Variants in STS observed in about 807,000 individuals in gnomAD.
STS encodes the protein steroid sulfatase.
In STS, 7 loss-of-function variants were observed where a neutral mutation model predicts 26.8. The ratio of observed to expected loss-of-function variants is 0.26; its 90% CI spans 0.15 to 0.49. The LOEUF is 0.49. STS is among the 20% of genes least tolerant of loss of function. The pLI is 0.98. For synonymous variants in STS, 199 were observed against 189.4 expected, an observed-to-expected ratio of 1.05 and a Z score of -0.42; for missense variants, 434 against 465.6, an observed-to-expected ratio of 0.93 and a Z score of 0.63.
chrX:7,156,053 G>A (rs1226340396), intron 1 of STS, among the ~76,000 whole-genome samples: 2 of 109,680 alleles, frequency 1.8e-5, no homozygotes, highest in African/African-American at 6.7e-5. Flanking sequence ...TGGGGGGACT[G>A]AGATGGGAGG....
intron 6 of STS, among the ~76,000 whole-genome samples, chrX:7,266,154 G>A (rs1923992838): frequency 1.2e-5 from 1 of 80,088 alleles, no homozygotes; most frequent in African/African-American, 5.3e-5. Flanking sequence ...TACAACTGGT[G>A]CCTTGTTTAG....
At chrX:7,291,314 G>T (rs763352275) in intron 7 of STS, among the ~76,000 whole-genome samples, 1 of 111,676 alleles carries the variant, frequency 9.0e-6, no homozygotes, top group Non-Finnish European at 1.9e-5. Flanking sequence ...CCCGTGGTTT[G>T]GGGGCAACAG....
intron 2 of STS, among the ~76,000 whole-genome samples, chrX:7,239,178 A>G (rs896072422): frequency 8.9e-6 from 1 of 111,872 alleles, no homozygotes; most frequent in Non-Finnish European, 1.9e-5. Context: ...AAGTGATTTA[A>G]ATAGGTATTT....
At chrX:7,219,763 C>A in intron 2 of STS, 2 of 1,082,750 alleles carry the variant, frequency 1.8e-6, no homozygotes. Context: ...ACAGCAGCTA[C>A]CTGCTTGTGT....
At position 7,348,645 on chromosome X, in the gene STS, CATTT is replaced by C. The variant is rs757891831; in HGVS notation, c.1364-1242_1364-1239del. ...ATGAATCAATTATTTCATAATTATT[CATTT>C]GTTTGTGAATTAGTTTTTCCTAGCA... On this transcript the variant is annotated intron_variant, in intron 10 of 10. Transcript: ENST00000674429. Among the ~76,000 whole-genome samples the C allele has an allele frequency of 3.8e-3, 424 of 111,828 alleles. 3 individuals are homozygous for C. Among genetic ancestry groups the C allele is most frequent in the African/African-American group, 0.013 (401 of 30,821 alleles).
At position 7,284,271 on chromosome X, in the gene STS, C is replaced by T. The variant is rs1215817181; in HGVS notation, c.943+8184C>T. On this transcript the variant is annotated intron_variant, in intron 7 of 10. Transcript: ENST00000674429. The stretch of plus-strand genomic sequence containing the variant: ...AATCGTTGGTTACCTGCCAACGTTT[C>T]AGGTTTTTAACAGGTTTCAGGGAGT... Among the ~76,000 whole-genome samples, 3 of 111,834 alleles carry T rather than the reference C, an allele frequency of 2.7e-5. No homozygotes were observed. The Admixed American group carries it at 2.8e-4, about 11-fold the overall frequency.
rs765898037 is a variant in STS, at chrX:7,324,686, G to C, written c.1082-653G>C. 7.9e-4 allele frequency among the ~76,000 whole-genome samples: 88 copies of C among 111,431 alleles called. 1 individual carries two copies. The highest frequency in any genetic ancestry group is 5.7e-4 in the Non-Finnish European group (30 of 53,075). ...TTCCAAAAGAAGGAGGGTAAAATGA[G>C]GCATGTCCAATCCCCTGTTTCCATC... On this transcript the variant is annotated intron_variant, in intron 8 of 10. Coordinates refer to ENST00000674429, the MANE Select transcript of STS (RefSeq NM_001320752.2).
chrX:7,322,390 TTCTC>T (rs536562385), intron 8 of STS, among the ~76,000 whole-genome samples: 1 of 110,503 alleles, frequency 9.0e-6, no homozygotes, highest in African/African-American at 3.3e-5. Flanking sequence ...TCAATGCAGA[TTCTC>T]TCTCTCTCTC....
intron 7 of STS, among the ~76,000 whole-genome samples, chrX:7,291,239 G>T (rs773860194): frequency 9.0e-6 from 1 of 111,563 alleles, no homozygotes; most frequent in Non-Finnish European, 1.9e-5. Flanking sequence ...GGAGCTAACT[G>T]TCTGTCTTAG....
chrX:7,270,102 A>AT (rs1299609497), intron 6 of STS, among the ~76,000 whole-genome samples: 1 of 112,127 alleles, frequency 8.9e-6, no homozygotes, highest in East Asian at 2.8e-4. Flanking sequence ...TGTCTTCTGT[A>AT]TTTTTAACAA....
chrX:7,220,490 A>G (rs1013947172), intron 2 of STS, among the ~76,000 whole-genome samples: 3 of 104,337 alleles, frequency 2.9e-5, no homozygotes, highest in African/African-American at 1.1e-4. Flanking sequence ...CTCGAATGCC[A>G]TTTTCCGCTC....
chrX:7,280,511 C>A (rs1924805866), intron 7 of STS, among the ~76,000 whole-genome samples: 1 of 112,091 alleles, frequency 8.9e-6, no homozygotes, highest in Admixed American at 9.4e-5. Context: ...GAAGAACAAA[C>A]GTGTAAAATC....
chrX:7,198,667 G>A (rs1248973338), intron 2 of STS, among the ~76,000 whole-genome samples: 3 of 112,408 alleles, frequency 2.7e-5, no homozygotes, highest in South Asian at 3.6e-4. Flanking sequence ...ATGAACGAGG[G>A]CAGTCTGCAG....
chrX:7,220,013 G>A (rs1476031588), intron 2 of STS, among the ~76,000 whole-genome samples: 1 of 112,113 alleles, frequency 8.9e-6, no homozygotes, highest in Non-Finnish European at 1.9e-5. Flanking sequence ...TTCCTATCAA[G>A]TTTATTGCAT....
chrX:7,315,898 A>C (rs985066614), intron 8 of STS, among the ~76,000 whole-genome samples: 1 of 111,205 alleles, frequency 9.0e-6, no homozygotes, highest in Non-Finnish European at 1.9e-5. Flanking sequence ...TTTTGGCAAC[A>C]CCTTCACAGA....
intron 9 of STS, among the ~76,000 whole-genome samples, chrX:7,333,574 C>T (rs192536140): frequency 8.9e-6 from 1 of 112,150 alleles, no homozygotes; most frequent in East Asian, 2.8e-4. Context: ...TTTCAGCAGG[C>T]CTGTATGTCA....
chrX:7,202,345 A>G (rs1428683596), intron 2 of STS, among the ~76,000 whole-genome samples: 2 of 111,194 alleles, frequency 1.8e-5, no homozygotes, highest in African/African-American at 6.5e-5. Context: ...TCAACATGGA[A>G]ACCACAAAAA....
rs1405026213 is a variant in STS at position 7,215,116 on chromosome X, T to TATAC, written c.-5+24109_-5+24110insTACA. ...ATATGTGTATATATATACACATATA[T>TATAC]ACACACACACACACACACACACATA... On this transcript the variant is annotated intron_variant, in intron 2 of 10. Transcript: ENST00000674429. Among the ~76,000 whole-genome samples, 316 of 80,805 alleles carry TATAC rather than the reference T, an allele frequency of 3.9e-3. 2 individuals are homozygous for TATAC. Among genetic ancestry groups the TATAC allele is most frequent in the African/African-American group, 0.014 (303 of 21,167 alleles). The allele number at this position is 80,805 out of a possible 115,157, so 70.2% of individuals were successfully genotyped here.
intron 2 of STS, among the ~76,000 whole-genome samples, chrX:7,233,624 A>C (rs930070898): frequency 9.0e-6 from 1 of 111,512 alleles, no homozygotes; most frequent in Non-Finnish European, 1.9e-5. Flanking sequence ...ATAGATAATC[A>C]CAGCTGTATG....
Sources: allele counts gnomAD v4.1 joint callset (sites outside exome capture counted in the v4.1 genomes callset), GRCh38; gene constraint gnomAD v4.1.1; transcripts MANE v1.5; gene names NCBI Gene and HGNC (gene_info 2026-07-23, HGNC 2026-07-21).